GLI3: variants seen among roughly 807,000 people sequenced by gnomAD.
GLI3 encodes transcription activator GLI3.
Under a neutral mutation model 100.8 loss-of-function variants are expected in GLI3, and 20 were observed. The ratio of observed to expected loss-of-function variants is 0.20; its 90% confidence interval spans 0.14 to 0.29. GLI3 has a LOEUF of 0.29. GLI3 is among the 10% of genes least tolerant of loss of function. GLI3 has a pLI of 1.00. For synonymous variants in GLI3, 938 were observed against 860.5 expected, an observed-to-expected ratio of 1.09 and a Z score of -1.58; for missense variants, 2,040 against 2,128.5, an observed-to-expected ratio of 0.96 and a Z score of 0.82.
chr7:42,157,903 C>T (rs1272575722), intron 2 of GLI3, among the ~76,000 whole-genome samples: 1 of 152,074 alleles, frequency 6.6e-6, no homozygotes, highest in Non-Finnish European at 1.5e-5. Flanking sequence ...ATTAATAACA[C>T]CCCCCGCTGG....
intron 3 of GLI3, among the ~76,000 whole-genome samples, chr7:42,094,801 C>G (rs1785302293): frequency 1.3e-5 from 2 of 152,008 alleles, no homozygotes. Context: ...TGCCAGGTAC[C>G]AGGCCCCACG....
chr7:42,118,101 T>G, intron 3 of GLI3: 1 of 379,074 alleles, frequency 2.6e-6, no homozygotes, highest in Non-Finnish European at 4.7e-6. Flanking sequence ...TTCTTTTTAA[T>G]GGAGGCTCAA....
Position 41,966,255 on chromosome 7 carries a change from G to T in GLI3, c.2818C>A (p.Pro940Thr). Residue 940 changes from proline to threonine, a missense_variant, in exon 15 of 15, where the codon CCG (proline) becomes ACG (threonine). Around this residue, in one of 5 missense-constraint regions of GLI3, gnomAD observed 1,041 missense variants for 924.0 expected, o/e 1.13. Transcript: ENST00000395925. This position sits in a 1 kb window ranked among gnomAD's most constrained non-coding sequence, Gnocchi z 5.8. ...ATGTTGGGCAGGGGCGTCGGCGGCG[G>T]CCCTCCTGTGGCAGCCGCGTACTTG... The part of the protein sequence containing the change: ...KAKYAAATGG[P>T]PPTPLPNMER... 1 of 1,607,852 alleles carries T rather than the reference G, an allele frequency of 6.2e-7. No homozygotes were observed.
chr7:41,982,433 T>C (rs142486604), intron 10 of GLI3, among the ~76,000 whole-genome samples: 3 of 152,270 alleles, frequency 2.0e-5, no homozygotes, highest in East Asian at 1.9e-4. Flanking sequence ...AAAAGCTGCA[T>C]TGGGCCAGGC....
chr7:42,201,484 A>G (rs1396577985), intron 2 of GLI3, among the ~76,000 whole-genome samples: 3 of 152,208 alleles, frequency 2.0e-5, no homozygotes, highest in Non-Finnish European at 4.4e-5. Context: ...TAGCCCTCAC[A>G]TACACATAGA....
intron 2 of GLI3, among the ~76,000 whole-genome samples, chr7:42,215,126 T>C (rs545374251): frequency 1.3e-5 from 2 of 152,160 alleles, no homozygotes; most frequent in South Asian, 4.2e-4. Flanking sequence ...ACTCACACCA[T>C]ATGCGTTACT....
intron 10 of GLI3, among the ~76,000 whole-genome samples, chr7:41,981,178 G>C (rs1787656029): frequency 6.6e-6 from 1 of 152,218 alleles, no homozygotes; most frequent in Non-Finnish European, 1.5e-5. Context: ...AACAGCGTGA[G>C]GGCCACGCAT....
intron 3 of GLI3, among the ~76,000 whole-genome samples, chr7:42,100,249 T>C (rs2128761395): frequency 1.3e-5 from 2 of 152,338 alleles, no homozygotes; most frequent in Admixed American, 1.3e-4. Context: ...CCACCTTCTA[T>C]GCTGTGGAAG....
In GLI3 at chr7:42,257,319, A is replaced by C. The variant is rs888435827; in HGVS notation, c.-43+6675T>G. 3.3e-5 allele frequency among the ~76,000 whole-genome samples: 5 copies of C among 151,094 alleles called. 1 individual carries two copies. The highest frequency in any genetic ancestry group is 3.9e-4 in the East Asian group (2 of 5,180). On this transcript the variant is annotated intron_variant, in intron 1 of 2. Transcript: ENST00000678978. ...TGCAATGTTGAATGACAGCAGCAAAAGCAGGCCCCTGATATTAGGTGGAAA... is the reference window on the plus strand; with the variant it reads ...TGCAATGTTGAATGACAGCAGCAAACGCAGGCCCCTGATATTAGGTGGAAA...
chr7:42,029,576 G>A (rs967917905), intron 7 of GLI3, among the ~76,000 whole-genome samples: 1 of 152,150 alleles, frequency 6.6e-6, no homozygotes, highest in African/African-American at 2.4e-5. Context: ...AAATCAAGGT[G>A]GGGAGGGCCG....
Position 42,223,175 on chromosome 7 carries a change from TTCGAGTG to T in GLI3, c.72_78del (p.Thr25GlnfsTer3). On this transcript the variant is annotated frameshift_variant, in exon 2 of 15. Transcript: ENST00000395925. LOFTEE classifies it high-confidence loss of function. The stretch of plus-strand genomic sequence containing the variant: ...GCAACGGCTTTCTCGCTCACATCTG[TTCGAGTG>T]GAGCACTTCACTATGGAATTCTCAA... The T allele has an allele frequency of 6.2e-7, 1 of 1,613,904 alleles. No homozygotes were observed. The highest frequency in any genetic ancestry group is 8.5e-7 in the Non-Finnish European group (1 of 1,179,834).
intron 3 of GLI3, among the ~76,000 whole-genome samples, chr7:42,096,109 C>A (rs1354121057): frequency 6.6e-6 from 1 of 152,084 alleles, no homozygotes; most frequent in African/African-American, 2.4e-5. Context: ...CCAGGGTGAA[C>A]ACTGTGGTGC....
chr7:42,135,912 T>G (rs1308860257), intron 3 of GLI3, among the ~76,000 whole-genome samples: 2 of 152,184 alleles, frequency 1.3e-5, no homozygotes, highest in Admixed American at 1.3e-4. Context: ...CCCTGCCACA[T>G]GTAAGCATTA....
chr7:42,023,737 TCAAA>T, intron 9 of GLI3, 129 bp from the exon 10 acceptor site: 1 of 760,182 alleles, frequency 1.3e-6, no homozygotes, highest in Admixed American at 2.1e-5. Context: ...AGTGAAGAAG[TCAAA>T]CAATAAAATC....
At chr7:42,065,934 G>A (rs1402709013) in intron 4 of GLI3, among the ~76,000 whole-genome samples, 4 of 152,128 alleles carry the variant, frequency 2.6e-5, no homozygotes, top group Admixed American at 2.6e-4. Context: ...TCACTAATGA[G>A]GTTAAAAAAT....
chr7:41,993,832 C>G (rs754762500), intron 10 of GLI3, among the ~76,000 whole-genome samples: 4 of 152,162 alleles, frequency 2.6e-5, no homozygotes, highest in Non-Finnish European at 5.9e-5. Flanking sequence ...TGTGATTGCT[C>G]TATTCCCCAC....
intron 2 of GLI3, among the ~76,000 whole-genome samples, chr7:42,211,103 T>C (rs148006154): frequency 6.6e-6 from 1 of 152,344 alleles, no homozygotes; most frequent in African/African-American, 2.4e-5. Context: ...AAAAATATTC[T>C]AATTTTGTAC....
intron 1 of GLI3, 136 bp downstream of exon 1, chr7:42,236,835 C>T (rs1446033933): frequency 6.6e-6 from 1 of 152,304 alleles, no homozygotes; most frequent in Non-Finnish European, 1.5e-5. Flanking sequence ...CTCTCTAAAT[C>T]TGGGCGCCTT....
chr7:42,062,929 T>C (rs1190132500), intron 4 of GLI3, among the ~76,000 whole-genome samples: 2 of 152,184 alleles, frequency 1.3e-5, no homozygotes, highest in Admixed American at 1.3e-4. Flanking sequence ...TTCATTCAGG[T>C]GCCTGATAAA....
Sources: gnomAD v4.1 joint callset for allele counts (sites outside exome capture counted in the v4.1 genomes callset) on GRCh38, gnomAD v4.1.1 for gene constraint, gnomAD v4.1.1 regional missense constraint, Gnocchi (gnomAD v3.1) non-coding constraint, MANE v1.5 for transcripts, NCBI Gene and HGNC (gene_info 2026-07-23, HGNC 2026-07-21) for gene names.